The following NR5A2 variants were observed in gnomAD, a reference collection of about 807,000 sequenced individuals.
The protein encoded by NR5A2 is nuclear receptor subfamily 5 group A member 2, also known as CYP7A promoter-binding factor.
A neutral mutation model predicts 62.7 loss-of-function variants in NR5A2; 26 were observed. That is an observed-to-expected ratio of 0.41 (90% CI 0.30 to 0.58). The LOEUF (loss-of-function observed/expected upper bound fraction) is 0.58, where lower values mean the gene tolerates loss of function less well. Ranked by LOEUF, NR5A2 falls within the 20% of genes least tolerant of loss-of-function variation. The probability of loss-of-function intolerance (pLI) is 0.22; values close to 1 mark genes in which losing one functional copy is unlikely to be tolerated. For missense variants in NR5A2, 541 were observed against 669.1 expected (o/e 0.81, Z 2.11); for synonymous variants, 246 against 241.7 (o/e 1.02, Z -0.16).
At chr1:200,118,223 GC>G (rs370112690) in intron 6 of NR5A2, among the ~76,000 whole-genome samples, 127 of 151,488 alleles carry the variant, frequency 8.4e-4, no homozygotes, top group African/African-American at 3.0e-3. Context: ...CACCATGTTG[GC>G]CAGGCTGGTC....
At position 200,087,198 on chromosome 1, in the gene NR5A2, C is replaced by T. The variant is rs191623030; in HGVS notation, c.1111-24004C>T. ...CTTCCTCTTCCAATATTCATACATC[C>T]ACAAATGTCCCTCTCCCTTCAACAC... On this transcript the variant is annotated intron_variant, in intron 5 of 7. Coordinates refer to ENST00000367362, the MANE Select transcript of NR5A2 (RefSeq NM_205860.3). Among the ~76,000 whole-genome samples, 75 of 151,758 alleles carry T rather than the reference C, an allele frequency of 4.9e-4. 1 individual carries two copies. The highest frequency in any genetic ancestry group is 5.9e-4 in the Non-Finnish European group (40 of 67,928).
At chr1:200,060,939 TAAAAAA>T (rs60736317) in intron 5 of NR5A2, among the ~76,000 whole-genome samples, 2 of 87,848 alleles carry the variant, frequency 2.3e-5, no homozygotes, top group Admixed American at 1.4e-4. Flanking sequence ...CCATCTCTAC[TAAAAAA>T]AAAAAAAAAA....
chr1:200,169,755 G>A (rs896842346), intron 7 of NR5A2, among the ~76,000 whole-genome samples: 3 of 152,214 alleles, frequency 2.0e-5, no homozygotes, highest in African/African-American at 4.8e-5. Flanking sequence ...TATAGAGAAA[G>A]GGTTGGGGAT....
intron 6 of NR5A2, among the ~76,000 whole-genome samples, chr1:200,118,519 C>T (rs770615935): frequency 1.3e-5 from 2 of 152,286 alleles, no homozygotes; most frequent in East Asian, 1.9e-4. Flanking sequence ...GAGATTTATA[C>T]GTACTTGTCC....
chr1:200,147,402 G>A lies in NR5A2; in HGVS notation c.1378+26447G>A. The A allele has an allele frequency of 2.5e-5, 11 of 436,550 alleles. No individual in the cohort carries two copies. Among genetic ancestry groups the A allele is most frequent in the South Asian group, 2.1e-4 (11 of 53,124 alleles). The allele number at this position is 436,550 out of a possible 1,614,324, so 27.0% of individuals were successfully genotyped here. A position where few individuals can be genotyped will look rare whatever the true frequency, so the allele number is the denominator to read the frequency against. On this transcript the variant is annotated intron_variant, in intron 7 of 7. Transcript: ENST00000367362. This position sits in a 1 kb window ranked among gnomAD's most constrained non-coding sequence, Gnocchi z 4.9. ...TTAGTTCCTCTCGGAGTCTGTATGG[G>A]TCTGGGCGAGATGCAGGCAGCTTAT...
At chr1:200,139,900 C>G (rs1016709856) in intron 7 of NR5A2, among the ~76,000 whole-genome samples, 17 of 152,204 alleles carry the variant, frequency 1.1e-4, no homozygotes, top group African/African-American at 4.1e-4. Flanking sequence ...GTACACAACA[C>G]CAGTAGCCCT....
Position 200,039,158 on chromosome 1 carries a change from TA to T in NR5A2, c.65-499del. ...TGAGCAAGAGAGAGGCAGAGAGAGA[TA>T]GGGGGAAGGGGCGGAGAGGAGGGGA... On this transcript the variant is annotated intron_variant, in intron 1 of 7. Transcript: ENST00000367362. The surrounding 1 kb of genome is among the most constrained non-coding windows in gnomAD (Gnocchi z 5.1). Among the ~76,000 whole-genome samples the T allele has an allele frequency of 6.6e-6, 1 of 151,220 alleles. No individual in the cohort carries two copies. The highest frequency in any genetic ancestry group is 2.1e-4 in the South Asian group (1 of 4,778).
At chr1:200,158,742 G>A (rs930078624) in intron 7 of NR5A2, among the ~76,000 whole-genome samples, 3 of 152,110 alleles carry the variant, frequency 2.0e-5, no homozygotes, top group East Asian at 3.9e-4. Flanking sequence ...TTCCGAAGTA[G>A]CATAGAGTTC....
At chr1:200,092,504 T>C (rs901447620) in intron 5 of NR5A2, among the ~76,000 whole-genome samples, 1 of 152,166 alleles carries the variant, frequency 6.6e-6, no homozygotes, top group Non-Finnish European at 1.5e-5. Flanking sequence ...TTCACCATAT[T>C]GATCTGATAG....
chr1:200,066,424 C>T (rs1021025479), intron 5 of NR5A2, among the ~76,000 whole-genome samples: 1 of 152,032 alleles, frequency 6.6e-6, no homozygotes, highest in Non-Finnish European at 1.5e-5. Flanking sequence ...AGAGCCAGTT[C>T]TCAGATGTCA....
intron 5 of NR5A2, among the ~76,000 whole-genome samples, chr1:200,094,962 T>C (rs916618275): frequency 6.6e-6 from 1 of 151,974 alleles, no homozygotes; most frequent in Non-Finnish European, 1.5e-5. Context: ...GAAAAGAACA[T>C]AAAGGAATAT....
chr1:200,056,383 C>T (rs1662918414), intron 5 of NR5A2, among the ~76,000 whole-genome samples: 1 of 152,116 alleles, frequency 6.6e-6, no homozygotes, highest in Non-Finnish European at 1.5e-5. Context: ...TTAGTTACTT[C>T]TACTAAGGTA....
chr1:200,099,159 A>G (rs1319919511), intron 5 of NR5A2, among the ~76,000 whole-genome samples: 1 of 152,140 alleles, frequency 6.6e-6, no homozygotes, highest in Non-Finnish European at 1.5e-5. Context: ...GAGCCTTTGT[A>G]CCCAGAGAAT....
chr1:200,043,581 G>A (rs1435713366), intron 2 of NR5A2, among the ~76,000 whole-genome samples, 193 bp from the exon 3 acceptor site: 1 of 152,154 alleles, frequency 6.6e-6, no homozygotes, highest in East Asian at 1.9e-4. Flanking sequence ...ATTATATGAG[G>A]TCCATGCTTA....
chr1:200,055,330 G>A (rs554505842), intron 5 of NR5A2, among the ~76,000 whole-genome samples: 82 of 152,168 alleles, frequency 5.4e-4, no homozygotes, highest in Non-Finnish European at 9.0e-4. Context: ...CGAGTAGCTG[G>A]GATTATAGCG....
intron 7 of NR5A2, among the ~76,000 whole-genome samples, chr1:200,149,873 T>G (rs754039949): frequency 1.3e-5 from 2 of 152,186 alleles, no homozygotes; most frequent in Non-Finnish European, 2.9e-5. Context: ...TCATTTAGGG[T>G]CTCACTAAAT....
chr1:200,086,462 C>G (rs1241711022), intron 5 of NR5A2, among the ~76,000 whole-genome samples: 1 of 152,070 alleles, frequency 6.6e-6, no homozygotes, highest in Non-Finnish European at 1.5e-5. Context: ...CGCCACCATA[C>G]CCAGCTAATT....
intron 5 of NR5A2, among the ~76,000 whole-genome samples, chr1:200,065,946 G>C (rs538625601): frequency 6.6e-6 from 1 of 152,260 alleles, no homozygotes; most frequent in South Asian, 2.1e-4. Context: ...ATGATTGTGG[G>C]GGAAATAGGG....
chr1:200,087,479 C>T (rs899692940), intron 5 of NR5A2, among the ~76,000 whole-genome samples: 1 of 152,114 alleles, frequency 6.6e-6, no homozygotes, highest in Admixed American at 6.5e-5. Context: ...ACTGCAACCT[C>T]CGCCTCCTGG....
Sources: gnomAD v4.1 joint callset for allele counts (sites outside exome capture counted in the v4.1 genomes callset) on GRCh38, gnomAD v4.1.1 for gene constraint, Gnocchi (gnomAD v3.1) non-coding constraint, MANE v1.5 for transcripts, NCBI Gene and HGNC (gene_info 2026-07-23, HGNC 2026-07-21) for gene names.